Variants in PATJ observed in about 807,000 individuals in gnomAD.
The protein encoded by PATJ is PATJ crumbs cell polarity complex component.
Under a neutral mutation model 224.9 loss-of-function variants are expected in PATJ, and 190 were observed. The ratio of observed to expected loss-of-function variants is 0.84; its 90% confidence interval spans 0.75 to 0.95. The LOEUF (loss-of-function observed/expected upper bound fraction) is 0.95, where lower values mean the gene tolerates loss of function less well. Ranked by LOEUF, PATJ falls within the 40% of genes least tolerant of loss-of-function variation. PATJ has a pLI of 0.00. For missense variants in PATJ, 2,121 were observed against 2,270.3 expected, an observed-to-expected ratio of 0.93 and a Z score of 1.34; for synonymous variants, 769 against 820.3, an observed-to-expected ratio of 0.94 and a Z score of 1.07.
rs918697231 is a variant in PATJ, at chr1:61,791,836, T to TA, written c.1168+399dup. Among the ~76,000 whole-genome samples, 79 of 148,138 alleles carry TA rather than the reference T, an allele frequency of 5.3e-4. 1 individual carries two copies. The highest frequency in any genetic ancestry group is 9.8e-4 in the East Asian group (5 of 5,122). On this transcript the variant is annotated intron_variant, in intron 9 of 43. Coordinates refer to ENST00000642238, the MANE Select transcript of PATJ (RefSeq NM_001350145.3). ...AAGTATGACTATTGTGTTTTATCAC[T>TA]AAAAAAAAAAGTTAAAACAAGCATT...
intron 14 of PATJ, among the ~76,000 whole-genome samples, chr1:61,817,832 A>C (rs6700692): frequency 0.16 from 24,973 of 151,978 alleles, 2,350 homozygotes; most frequent in Non-Finnish European, 0.21. Context: ...ATTCTTGAAA[A>C]GTTTGTTTTT....
At chr1:62,076,234 A>C (rs1420048675) in intron 31 of PATJ, among the ~76,000 whole-genome samples, 1 of 152,194 alleles carries the variant, frequency 6.6e-6, no homozygotes, top group Non-Finnish European at 1.5e-5. Flanking sequence ...ATTAAAAACA[A>C]AAACAAAAAA....
chr1:62,096,121 G>A (rs778422341), intron 33 of PATJ, among the ~76,000 whole-genome samples: 1 of 152,098 alleles, frequency 6.6e-6, no homozygotes, highest in Non-Finnish European at 1.5e-5. Context: ...ACCACAAAAA[G>A]GGTTCTTGTT....
chr1:61,855,209 G>A (rs1663460177), intron 17 of PATJ, among the ~76,000 whole-genome samples: 9 of 152,028 alleles, frequency 5.9e-5, no homozygotes, highest in Admixed American at 5.9e-4. Flanking sequence ...CTTATCTTTG[G>A]TCCATCATAT....
At chr1:62,013,667 G>C (rs114277083) in intron 28 of PATJ, among the ~76,000 whole-genome samples, 1,877 of 152,318 alleles carry the variant, frequency 0.012, 40 homozygotes, top group African/African-American at 0.042. Flanking sequence ...GGTAGGATAG[G>C]TGATTTAGAA....
At chr1:61,870,805 C>A (rs1412094914) in intron 20 of PATJ, among the ~76,000 whole-genome samples, 1 of 152,118 alleles carries the variant, frequency 6.6e-6, no homozygotes, top group African/African-American at 2.4e-5. Context: ...CTATACTGTT[C>A]TCTACAGCAA....
chr1:62,088,659 A>G (rs1274506732), intron 33 of PATJ, among the ~76,000 whole-genome samples: 2 of 152,096 alleles, frequency 1.3e-5, no homozygotes, highest in Non-Finnish European at 2.9e-5. Context: ...GATGACCTTC[A>G]TAGGATGTTT....
chr1:61,755,172 A>G (rs894914762), intron 1 of PATJ, among the ~76,000 whole-genome samples: 9 of 151,464 alleles, frequency 5.9e-5, no homozygotes, highest in Non-Finnish European at 1.5e-5. Context: ...AGCCGGGCGT[A>G]GTGGCGGGTG....
At chr1:62,020,295 A>T (rs556503610) in intron 29 of PATJ, among the ~76,000 whole-genome samples, 28 of 152,218 alleles carry the variant, frequency 1.8e-4, no homozygotes, top group Non-Finnish European at 3.7e-4. Context: ...TATGCAATGT[A>T]AATGTACATT....
chr1:61,993,171 C>T (rs1166661427), intron 28 of PATJ, among the ~76,000 whole-genome samples: 6 of 152,164 alleles, frequency 3.9e-5, no homozygotes, highest in African/African-American at 1.2e-4. Flanking sequence ...TCCCATTAAC[C>T]CCTAACTCAG....
At chr1:62,006,137 G>A (rs921552097) in intron 28 of PATJ, among the ~76,000 whole-genome samples, 7 of 151,522 alleles carry the variant, frequency 4.6e-5, no homozygotes, top group African/African-American at 1.7e-4. Context: ...TTTTTGAGAC[G>A]CAGTCTTGCT....
intron 28 of PATJ, among the ~76,000 whole-genome samples, chr1:62,003,291 C>T (rs757586583): frequency 3.3e-5 from 5 of 152,110 alleles, no homozygotes; most frequent in Non-Finnish European, 5.9e-5. Flanking sequence ...TCTATTTTCT[C>T]GAAGTCAGTA....
intron 27 of PATJ, among the ~76,000 whole-genome samples, chr1:61,942,181 T>A (rs7539620): frequency 0.048 from 7,308 of 152,276 alleles, 592 homozygotes; most frequent in African/African-American, 0.17. Context: ...TGTACAGAAC[T>A]ACTTTGAGAG....
At chr1:62,020,271 A>G (rs1368432649) in intron 29 of PATJ, among the ~76,000 whole-genome samples, 11 of 152,214 alleles carry the variant, frequency 7.2e-5, no homozygotes, top group Non-Finnish European at 1.6e-4. Flanking sequence ...AAATGGTACA[A>G]TGTACTATGT....
At chr1:62,094,004 T>C (rs927656626) in intron 33 of PATJ, among the ~76,000 whole-genome samples, 1 of 152,336 alleles carries the variant, frequency 6.6e-6, no homozygotes, top group East Asian at 1.9e-4. Flanking sequence ...TGTATTGCTG[T>C]GATTTTATTT....
At chr1:62,062,853 A>G (rs1655790542) in intron 31 of PATJ, among the ~76,000 whole-genome samples, 1 of 151,786 alleles carries the variant, frequency 6.6e-6, no homozygotes, top group Non-Finnish European at 1.5e-5. Flanking sequence ...GCTGTTTAAT[A>G]TGGTTGTTTT....
intron 35 of PATJ, among the ~76,000 whole-genome samples, chr1:62,115,944 T>C (rs1223164253): frequency 6.6e-6 from 1 of 152,172 alleles, no homozygotes; most frequent in Non-Finnish European, 1.5e-5. Context: ...GCTGAGTCTC[T>C]TACATTTCTA....
intron 27 of PATJ, among the ~76,000 whole-genome samples, chr1:61,979,176 C>T (rs1250204622): frequency 6.6e-6 from 1 of 151,982 alleles, no homozygotes; most frequent in African/African-American, 2.4e-5. Flanking sequence ...TGGAATAAAG[C>T]CTGGTGCCAA....
chr1:61,938,972 A>T (rs969897388), intron 27 of PATJ, among the ~76,000 whole-genome samples: 2 of 151,738 alleles, frequency 1.3e-5, no homozygotes, highest in African/African-American at 4.8e-5. Flanking sequence ...TACAAAAAAA[A>T]ATTAGCCAGG....
Sources: gnomAD v4.1 joint callset for allele counts (sites outside exome capture counted in the v4.1 genomes callset) on GRCh38, gnomAD v4.1.1 for gene constraint, MANE v1.5 for transcripts, NCBI Gene and HGNC (gene_info 2026-07-23, HGNC 2026-07-21) for gene names.